Variants in DNM3 observed in about 807,000 individuals in gnomAD.
DNM3 encodes the protein dynamin 3, also known as dynamin-3.
Under a neutral mutation model 101.6 loss-of-function variants are expected in DNM3, and 47 were observed. The ratio of observed to expected loss-of-function variants is 0.46; its 90% CI spans 0.37 to 0.59. The LOEUF is 0.59. Among genes scored for constraint, DNM3 ranks in the 20% least tolerant of loss-of-function variants. The pLI is 0.00. For synonymous variants in DNM3, 385 were observed against 387.9 expected (o/e 0.99, Z 0.09); for missense variants, 849 against 1,085.7 (o/e 0.78, Z 3.06).
Position 172,038,315 on chromosome 1 carries a change from T to G in DNM3, c.850-4T>G. 6.2e-7 allele frequency: 1 copy of G among 1,613,160 alleles called. No homozygotes were observed. The highest frequency in any genetic ancestry group is 1.1e-5 in the South Asian group (1 of 91,036). On this transcript the variant is annotated splice_region_variant and splice_polypyrimidine_tract_variant and intron_variant, in intron 6 of 20. Coordinates refer to ENST00000627582, the MANE Select transcript of DNM3 (RefSeq NM_015569.5). ...ATCTGTGTGTATCATTTTGTTTTGT[T>G]TAGCAACTTACCAACCACATTCGGG...
Position 172,068,851 on chromosome 1 carries a change from G to A in DNM3, c.1368G>A (p.Thr456=), listed in dbSNP as rs771664927. Residue 456 remains threonine (T), a synonymous_variant, in exon 11 of 21, where the codon ACG becomes ACA. Coordinates refer to ENST00000627582, the MANE Select transcript of DNM3 (RefSeq NM_015569.5). ...LANFPRLCEE[T]ERIVANHIRE... ...ACTTCCCCAGACTCTGCGAGGAAAC[G>A]GAAAGGATTGTTGCTAACCACATTC... is the stretch of plus-strand genomic sequence containing the variant. 9.0e-5 allele frequency: 141 copies of A among 1,575,280 alleles called. 2 individuals carry two copies. Among genetic ancestry groups the A allele is most frequent in the South Asian group, 4.3e-4 (37 of 85,388 alleles).
intron 1 of DNM3, among the ~76,000 whole-genome samples, chr1:171,891,732 AAGAT>A (rs1425932933): frequency 1.3e-5 from 2 of 152,166 alleles, no homozygotes; most frequent in African/African-American, 4.8e-5. Context: ...TTTTGGGAGA[AAGAT>A]CACAGAGGGA....
intron 13 of DNM3, among the ~76,000 whole-genome samples, chr1:172,098,847 G>A (rs1346258234): frequency 6.6e-6 from 1 of 152,194 alleles, no homozygotes; most frequent in African/African-American, 2.4e-5. Flanking sequence ...AATGTTTCAA[G>A]GAGGGAATAG....
At chr1:172,186,730 C>G (rs2059539371) in intron 14 of DNM3, among the ~76,000 whole-genome samples, 1 of 152,064 alleles carries the variant, frequency 6.6e-6, no homozygotes, top group Non-Finnish European at 1.5e-5. Context: ...ATTTGCCAGC[C>G]TGGAAGTATT....
intron 2 of DNM3, among the ~76,000 whole-genome samples, chr1:171,948,825 T>C (rs2042325897): frequency 6.6e-6 from 1 of 152,166 alleles, no homozygotes; most frequent in Admixed American, 6.6e-5. Flanking sequence ...AAACTACAAC[T>C]AAATTATGAA....
intron 2 of DNM3, among the ~76,000 whole-genome samples, chr1:171,925,939 C>G (rs149786684): frequency 6.6e-6 from 1 of 152,120 alleles, no homozygotes; most frequent in African/African-American, 2.4e-5. Context: ...GGCAGTTTTC[C>G]CAACACCATT....
chr1:171,910,937 G>C (rs1449513067), intron 1 of DNM3, among the ~76,000 whole-genome samples: 1 of 152,176 alleles, frequency 6.6e-6, no homozygotes, highest in African/African-American at 2.4e-5. Flanking sequence ...CTTTAAGAGT[G>C]AGTTCATTCC....
At chr1:172,075,816 T>C (rs1187109632) in intron 11 of DNM3, among the ~76,000 whole-genome samples, 2 of 152,222 alleles carry the variant, frequency 1.3e-5, no homozygotes, top group Admixed American at 6.5e-5. Flanking sequence ...TGGTTTCATA[T>C]GAAATTTAAA....
intron 1 of DNM3, among the ~76,000 whole-genome samples, chr1:171,900,949 A>G (rs954329811): frequency 4.8e-5 from 7 of 145,832 alleles, no homozygotes; most frequent in South Asian, 2.4e-4. Flanking sequence ...TCTACTAAAA[A>G]AAAAATAGAA....
intron 15 of DNM3, among the ~76,000 whole-genome samples, chr1:172,305,060 C>A (rs1431717949): frequency 6.6e-6 from 1 of 152,048 alleles, no homozygotes; most frequent in Non-Finnish European, 1.5e-5. Flanking sequence ...GATAGAGACA[C>A]AAATACCCTT....
chr1:171,951,355 T>G (rs2042512976), intron 2 of DNM3, among the ~76,000 whole-genome samples: 1 of 152,200 alleles, frequency 6.6e-6, no homozygotes, highest in Non-Finnish European at 1.5e-5. Context: ...GGTTATCAAG[T>G]GACAAAATTA....
intron 15 of DNM3, among the ~76,000 whole-genome samples, chr1:172,292,596 A>G (rs1425732897): frequency 3.0e-5 from 3 of 99,002 alleles, no homozygotes; most frequent in Non-Finnish European, 4.2e-5. Flanking sequence ...AGAGAATAGA[A>G]GACTTCACAC....
Position 171,883,204 on chromosome 1 carries a change from A to AT in DNM3, c.162-38539dup, listed in dbSNP as rs535403982. 3.2e-3 allele frequency among the ~76,000 whole-genome samples: 482 copies of AT among 151,794 alleles called. 4 individuals are homozygous for AT. The highest frequency in any genetic ancestry group is 5.7e-3 in the Non-Finnish European group (386 of 67,918). ...ATCATTGGATATTTAAATTGTTTCT[A>AT]TTTTTCTTATTACAAAAACACTGTG... On this transcript the variant is annotated intron_variant, in intron 1 of 20. Transcript: ENST00000627582.
At chr1:172,295,722 A>G (rs2064132264) in intron 15 of DNM3, among the ~76,000 whole-genome samples, 1 of 152,228 alleles carries the variant, frequency 6.6e-6, no homozygotes, top group Admixed American at 6.5e-5. Flanking sequence ...AAGGCTAAGC[A>G]CACAGTCATG....
At chr1:172,145,873 C>A (rs2057867885) in intron 14 of DNM3, among the ~76,000 whole-genome samples, 1 of 152,136 alleles carries the variant, frequency 6.6e-6, no homozygotes, top group African/African-American at 2.4e-5. Context: ...TACCGCTTGA[C>A]CAAAGGTTAT....
At chr1:172,132,813 T>G (rs2057010919) in intron 14 of DNM3, 1 of 712,420 alleles carries the variant, frequency 1.4e-6, no homozygotes, top group Non-Finnish European at 2.6e-6. Context: ...TCCCTATTGT[T>G]GATGAGAAAA....
At chr1:172,243,092 C>T (rs552435963) in intron 14 of DNM3, among the ~76,000 whole-genome samples, 24 of 152,146 alleles carry the variant, frequency 1.6e-4, no homozygotes, top group Middle Eastern at 3.4e-3. Flanking sequence ...TATATATGAT[C>T]GATCTGCCAT....
intron 4 of DNM3, among the ~76,000 whole-genome samples, chr1:172,001,619 T>G (rs1265936892): frequency 6.6e-6 from 1 of 151,964 alleles, no homozygotes; most frequent in Non-Finnish European, 1.5e-5. Context: ...AGCAAATGAA[T>G]TTCATTTCTA....
chr1:171,856,455 G>A (rs528023134), intron 1 of DNM3, among the ~76,000 whole-genome samples: 32 of 152,214 alleles, frequency 2.1e-4, no homozygotes, highest in Middle Eastern at 3.4e-3. Context: ...TCTATAAATT[G>A]CTTTGGGCAA....
Sources: allele counts gnomAD v4.1 joint callset (sites outside exome capture counted in the v4.1 genomes callset), GRCh38; gene constraint gnomAD v4.1.1; transcripts MANE v1.5; gene names NCBI Gene and HGNC (gene_info 2026-07-23, HGNC 2026-07-21).